The following HECW2 variants were observed in gnomAD, a reference collection of about 807,000 sequenced individuals.
The protein encoded by HECW2 is HECT, C2 and WW domain containing E3 ubiquitin protein ligase 2.
A neutral mutation model predicts 175.2 loss-of-function variants in HECW2; 61 were observed. That is an observed-to-expected ratio of 0.35 (90% CI 0.28 to 0.43). HECW2 has a LOEUF of 0.43. Among genes scored for constraint, HECW2 ranks in the 20% least tolerant of loss-of-function variants. The pLI is 1.00. For synonymous variants in HECW2, 671 were observed against 731.0 expected (o/e 0.92, Z 1.32); for missense variants, 1,524 against 2,000.5 (o/e 0.76, Z 4.54).
At chr2:196,203,363 G>C (rs2105761384) in intron 28 of HECW2, among the ~76,000 whole-genome samples, 1 of 152,210 alleles carries the variant, frequency 6.6e-6, no homozygotes, top group South Asian at 2.1e-4. Context: ...TACTACACTA[G>C]AGTCCTAGCA....
chr2:196,227,087 C>T (rs7566227), intron 22 of HECW2, among the ~76,000 whole-genome samples: 122,541 of 152,136 alleles, frequency 0.81, 51,348 homozygotes, highest in Non-Finnish European at 0.92. Flanking sequence ...AGAACAATGT[C>T]CAGCAGTATG....
intron 1 of HECW2, among the ~76,000 whole-genome samples, chr2:196,574,184 C>T (rs1690481211): frequency 6.6e-6 from 1 of 152,154 alleles, no homozygotes; most frequent in African/African-American, 2.4e-5. Context: ...AATCCCAGCA[C>T]TTTGGGAGGC....
chr2:196,256,363 C>T (rs1296193402), intron 18 of HECW2, among the ~76,000 whole-genome samples: 3 of 152,086 alleles, frequency 2.0e-5, no homozygotes, highest in Non-Finnish European at 2.9e-5. Flanking sequence ...TGCAGCCTTG[C>T]TCTTTATGTA....
intron 21 of HECW2, among the ~76,000 whole-genome samples, chr2:196,236,793 T>G (rs1188217890): frequency 6.6e-6 from 1 of 152,228 alleles, no homozygotes; most frequent in Non-Finnish European, 1.5e-5. Context: ...TCACGCATCA[T>G]ACCGAGGGTA....
At chr2:196,445,116 C>T (rs2125297290) in intron 1 of HECW2, among the ~76,000 whole-genome samples, 1 of 152,276 alleles carries the variant, frequency 6.6e-6, no homozygotes, top group East Asian at 1.9e-4. Context: ...ATTCTTATCA[C>T]TTATACTTCA....
chr2:196,347,062 A>T (rs77616284), intron 2 of HECW2, among the ~76,000 whole-genome samples: 4,751 of 147,386 alleles, frequency 0.032, 119 homozygotes, highest in Middle Eastern at 0.052. Context: ...TTATTTATTT[A>T]TTTTTTTTGA....
At chr2:196,505,548 GAAGA>G (rs750635094) in intron 1 of HECW2, among the ~76,000 whole-genome samples, 26 of 151,590 alleles carry the variant, frequency 1.7e-4, no homozygotes, top group Non-Finnish European at 2.1e-4. Flanking sequence ...AAAAAAAAAA[GAAGA>G]AAGAGAAAAC....
chr2:196,344,976 C>T (rs1001356710), intron 2 of HECW2, among the ~76,000 whole-genome samples: 1 of 152,088 alleles, frequency 6.6e-6, no homozygotes, highest in African/African-American at 2.4e-5. Context: ...TGTGGTTGCC[C>T]TACTAGTTTC....
intron 1 of HECW2, among the ~76,000 whole-genome samples, chr2:196,512,637 G>A (rs560117275): frequency 1.6e-4 from 24 of 151,440 alleles, no homozygotes; most frequent in Admixed American, 3.9e-4. Context: ...CAATCCTACC[G>A]CAACCTCTCA....
At chr2:196,213,321 T>A (rs1687356355) in intron 28 of HECW2, among the ~76,000 whole-genome samples, 1 of 152,256 alleles carries the variant, frequency 6.6e-6, no homozygotes, top group South Asian at 2.1e-4. Context: ...ACAGTGTTCC[T>A]AAGCCTTTCA....
chr2:196,433,172 C>T lies in HECW2; in HGVS notation c.252G>A (p.Glu84=), dbSNP rs1172946168. 15 of 1,613,934 alleles carry T rather than the reference C, an allele frequency of 9.3e-6. No individual in the cohort carries two copies. Among genetic ancestry groups the T allele is most frequent in the Middle Eastern group, 1.6e-4 (1 of 6,084 alleles). ...CAATCCAATCACTGGGGTCCACCTC[C>T]TCTTTAATGTCCCAGAAGATAATGA... ...QNLIIFWDIK[E]EVDPSDWIGL... is the part of the protein sequence containing the mutation. Residue 84 remains glutamate (E), a synonymous_variant, in exon 2 of 29, where the codon GAG becomes GAA. Transcript: ENST00000644978.
At chr2:196,554,865 CA>C (rs1250458791) in intron 1 of HECW2, among the ~76,000 whole-genome samples, 1 of 152,118 alleles carries the variant, frequency 6.6e-6, no homozygotes, top group African/African-American at 2.4e-5. Context: ...CACATCATTA[CA>C]GAATCAATTC....
intron 2 of HECW2, among the ~76,000 whole-genome samples, chr2:196,372,870 G>C (rs1693946055): frequency 6.6e-6 from 1 of 151,996 alleles, no homozygotes; most frequent in Admixed American, 6.5e-5. Flanking sequence ...TTGGTTCCGC[G>C]GCCAAAAATG....
At chr2:196,472,910 C>G (rs1041661876) in intron 1 of HECW2, among the ~76,000 whole-genome samples, 1 of 152,308 alleles carries the variant, frequency 6.6e-6, no homozygotes, top group Admixed American at 6.5e-5. Flanking sequence ...CCGGAGCCAC[C>G]GCACTCAGCT....
chr2:196,320,553 C>T, intron 7 of HECW2, 114 bp from the exon 8 acceptor site: 1 of 612,364 alleles, frequency 1.6e-6, no homozygotes, highest in South Asian at 2.1e-5. Context: ...TTCAGACTCA[C>T]AAGAACATTA....
In HECW2 at chr2:196,292,749, C is replaced by G. The variant is rs767041539; in HGVS notation, c.2816G>C (p.Ser939Thr). Residue 939 changes from serine (S) to threonine (T), a missense_variant and splice_region_variant, in exon 14 of 29, where the codon AGT (serine) becomes ACT (threonine). Transcript: ENST00000644978. ...EFFTVLHSNP[S>T]AYRMFTNNTC... ...GTTGTTTGTAAACATGCGGTAGGCACTCTAAAGAAAAGAATGGAGAACCAA... is the reference window on the plus strand; with the variant it reads ...GTTGTTTGTAAACATGCGGTAGGCAGTCTAAAGAAAAGAATGGAGAACCAA... 1 of 1,609,268 alleles carries G rather than the reference C, an allele frequency of 6.2e-7. No homozygotes were observed. The highest frequency in any genetic ancestry group is 1.1e-5 in the South Asian group (1 of 90,864).
chr2:196,433,103 C>A (rs774063645), intron 2 of HECW2, 29 bp downstream of exon 2: 28 of 1,563,400 alleles, frequency 1.8e-5, no homozygotes, highest in South Asian at 2.4e-5. Context: ...TGCTCTGAGT[C>A]ACATGCAAGT....
At chr2:196,397,309 G>GA (rs1694699431) in intron 2 of HECW2, among the ~76,000 whole-genome samples, 1 of 152,178 alleles carries the variant, frequency 6.6e-6, no homozygotes, top group African/African-American at 2.4e-5. Flanking sequence ...AGGTACCAGA[G>GA]AAATGTCTCT....
intron 2 of HECW2, among the ~76,000 whole-genome samples, chr2:196,430,904 A>G (rs1695692446): frequency 6.6e-6 from 1 of 152,224 alleles, no homozygotes; most frequent in Non-Finnish European, 1.5e-5. Flanking sequence ...ACATTTGTCC[A>G]AATTTCATCA....
Sources: gnomAD v4.1 joint callset for allele counts (sites outside exome capture counted in the v4.1 genomes callset) on GRCh38, gnomAD v4.1.1 for gene constraint, MANE v1.5 for transcripts, NCBI Gene and HGNC (gene_info 2026-07-23, HGNC 2026-07-21) for gene names.